The following USP47 variants were observed in gnomAD, a reference collection of about 807,000 sequenced individuals.
The protein encoded by USP47 is ubiquitin specific peptidase 47.
A neutral mutation model predicts 165.1 loss-of-function variants in USP47; 35 were observed. The ratio of observed to expected loss-of-function variants is 0.21; its 90% CI spans 0.16 to 0.28. USP47 has a LOEUF of 0.28. USP47 is among the 10% of genes least tolerant of loss of function. The probability of loss-of-function intolerance (pLI) is 1.00; values close to 1 mark genes in which losing one functional copy is unlikely to be tolerated. For missense variants in USP47, 1,277 were observed against 1,607.4 expected (o/e 0.79, Z 3.52); for synonymous variants, 531 against 544.5 (o/e 0.98, Z 0.35).
intron 14 of USP47, 142 bp downstream of exon 14, chr11:11,930,893 T>C: frequency 4.9e-6 from 3 of 607,602 alleles, no homozygotes; most frequent in Non-Finnish European, 8.2e-6. Context: ...CAAAGACTGT[T>C]ACAAAATAAT....
chr11:11,921,988 C>T (rs944394996), intron 10 of USP47, among the ~76,000 whole-genome samples: 4 of 151,872 alleles, frequency 2.6e-5, no homozygotes, highest in African/African-American at 4.8e-5. Context: ...TGCTTGGTTT[C>T]ACTCAAGAAC....
At chr11:11,899,250 G>C (rs1356216897) in intron 5 of USP47, among the ~76,000 whole-genome samples, 2 of 152,210 alleles carry the variant, frequency 1.3e-5, no homozygotes, top group Non-Finnish European at 2.9e-5. Flanking sequence ...GTTTTAGGGA[G>C]TATGCACAGG....
intron 3 of USP47, among the ~76,000 whole-genome samples, chr11:11,887,701 A>C (rs1268637968): frequency 6.6e-6 from 1 of 152,118 alleles, no homozygotes; most frequent in South Asian, 2.1e-4. Flanking sequence ...TTCAGTACCT[A>C]AACTCAGCTC....
intron 18 of USP47, among the ~76,000 whole-genome samples, chr11:11,939,089 G>T (rs908079307): frequency 6.6e-6 from 1 of 151,922 alleles, no homozygotes; most frequent in South Asian, 2.1e-4. Flanking sequence ...GGCTCATTCC[G>T]ATTTTTTGAG....
chr11:11,870,832 T>G (rs925098345), intron 1 of USP47, among the ~76,000 whole-genome samples: 5 of 152,222 alleles, frequency 3.3e-5, no homozygotes, highest in African/African-American at 1.2e-4. Context: ...CATTCATTCA[T>G]CTACATCAGT....
intron 8 of USP47, among the ~76,000 whole-genome samples, chr11:11,906,496 A>AT (rs964550921): frequency 1.7e-4 from 26 of 152,126 alleles, no homozygotes; most frequent in African/African-American, 6.0e-4. Flanking sequence ...ATTCCTTTTG[A>AT]TTTTTTCTCC....
intron 3 of USP47, among the ~76,000 whole-genome samples, chr11:11,887,518 G>C (rs913251649): frequency 6.6e-6 from 1 of 152,128 alleles, no homozygotes; most frequent in African/African-American, 2.4e-5. Context: ...CCAACAAGAA[G>C]AGCTAACTAT....
chr11:11,920,589 T>C lies in USP47; in HGVS notation c.1218+95T>C, dbSNP rs184375458. Reference sequence around the variant, plus strand: ...TTTGAGGTAATAACACTGATGTCATTTGGACTGTCTTCTTGATGGAAACTT... The same window carrying C: ...TTTGAGGTAATAACACTGATGTCATCTGGACTGTCTTCTTGATGGAAACTT... On this transcript the variant is annotated intron_variant, in intron 10 of 27. Coordinates refer to ENST00000527733, the MANE Select transcript of USP47 (RefSeq NM_001282659.2). The C allele has an allele frequency of 1.9e-3, 2,183 of 1,134,022 alleles. 1 individual carries two copies. Among genetic ancestry groups the C allele is most frequent in the Non-Finnish European group, 2.4e-3 (2,038 of 843,432 alleles). 70.2% of individuals were successfully genotyped at this position (1,134,022 alleles called of 1,614,324 possible). A position where few individuals can be genotyped will look rare whatever the true frequency, so the allele number is the denominator to read the frequency against.
At chr11:11,843,290 G>A (rs1002584679) in intron 1 of USP47, among the ~76,000 whole-genome samples, 2 of 152,196 alleles carry the variant, frequency 1.3e-5, no homozygotes, top group African/African-American at 4.8e-5. Flanking sequence ...TTATGTACCT[G>A]TATGATACAA....
intron 1 of USP47, 146 bp downstream of exon 1, chr11:11,842,370 G>T (rs1314519582): frequency 3.2e-6 from 3 of 924,900 alleles, no homozygotes; most frequent in Admixed American, 6.0e-5. Context: ...GGGGGTGGAC[G>T]GTGGGTGCGG....
chr11:11,908,095 A>G (rs898785277), intron 8 of USP47, among the ~76,000 whole-genome samples: 19 of 152,140 alleles, frequency 1.2e-4, no homozygotes, highest in Middle Eastern at 3.4e-3. Flanking sequence ...CTCAAAAAAA[A>G]CAAAAAAAGA....
At chr11:11,923,049 T>C (rs1281051772) in intron 11 of USP47, among the ~76,000 whole-genome samples, 158 bp downstream of exon 11, 1 of 22,908 alleles carries the variant, frequency 4.4e-5, no homozygotes, top group African/African-American at 1.4e-4. Context: ...TACATATATA[T>C]ATATATATAT....
chr11:11,951,971 G>A (rs1856254919), intron 24 of USP47: 1 of 152,168 alleles, frequency 6.6e-6, no homozygotes, highest in Admixed American at 6.6e-5. Flanking sequence ...GGTACTAGAT[G>A]GTGGGTGCCT....
intron 1 of USP47, among the ~76,000 whole-genome samples, chr11:11,851,681 A>T (rs1419597923): frequency 6.6e-6 from 1 of 152,114 alleles, no homozygotes. Flanking sequence ...TTGTTTCAAG[A>T]TCCAAATTTA....
intron 14 of USP47, 121 bp from the exon 15 acceptor site, chr11:11,932,883 G>C: frequency 1.4e-6 from 1 of 691,304 alleles, no homozygotes; most frequent in Non-Finnish European, 2.4e-6. Flanking sequence ...AGGATGTAAT[G>C]GAGATATATC....
intron 8 of USP47, among the ~76,000 whole-genome samples, chr11:11,917,491 G>A (rs1853511239): frequency 6.6e-6 from 1 of 152,098 alleles, no homozygotes; most frequent in South Asian, 2.1e-4. Flanking sequence ...AGTATGTAAT[G>A]TTACATGTTA....
chr11:11,945,466 T>C (rs536855661), intron 20 of USP47, among the ~76,000 whole-genome samples: 2 of 152,310 alleles, frequency 1.3e-5, no homozygotes, highest in African/African-American at 2.4e-5. Flanking sequence ...ATAGCAGTTA[T>C]AATCCAAGAG....
At chr11:11,860,870 G>A (rs1413106201) in intron 1 of USP47, among the ~76,000 whole-genome samples, 1 of 152,270 alleles carries the variant, frequency 6.6e-6, no homozygotes, top group East Asian at 1.9e-4. Context: ...GGCAGAGTGG[G>A]AAGAGTATTA....
At chr11:11,876,266 G>C (rs1202120989) in intron 1 of USP47, among the ~76,000 whole-genome samples, 1 of 129,864 alleles carries the variant, frequency 7.7e-6, no homozygotes, top group Non-Finnish European at 1.7e-5. Context: ...GAGAACTCTT[G>C]ACTAAAAATT....
Sources: gnomAD v4.1 joint callset for allele counts (sites outside exome capture counted in the v4.1 genomes callset) on GRCh38, gnomAD v4.1.1 for gene constraint, MANE v1.5 for transcripts, NCBI Gene and HGNC (gene_info 2026-07-23, HGNC 2026-07-21) for gene names.